The following CTNNA3 variants were observed in gnomAD, a reference collection of about 807,000 sequenced individuals.
The protein encoded by CTNNA3 is catenin alpha-3.
Under a neutral mutation model 95.7 loss-of-function variants are expected in CTNNA3, and 76 were observed. The ratio of observed to expected loss-of-function variants is 0.79; its 90% CI spans 0.66 to 0.96. The LOEUF is 0.96. CTNNA3 is among the 40% of genes least tolerant of loss of function. The pLI, the probability that CTNNA3 is intolerant of heterozygous loss-of-function variation, is 0.00. For missense variants in CTNNA3, 1,191 were observed against 1,089.8 expected, an observed-to-expected ratio of 1.09 and a Z score of -1.31; for synonymous variants, 431 against 374.4, an observed-to-expected ratio of 1.15 and a Z score of -1.74.
intron 1 of CTNNA3, among the ~76,000 whole-genome samples, chr10:67,727,077 CATATATGA>C (rs1564841576): frequency 1.7e-3 from 187 of 108,762 alleles, no homozygotes; most frequent in African/African-American, 7.0e-3. Context: ...ATATATGATA[CATATATGA>C]TATAATTATA....
chr10:66,485,365 T>A (rs375476400), intron 11 of CTNNA3, among the ~76,000 whole-genome samples: 7 of 152,222 alleles, frequency 4.6e-5, no homozygotes, highest in African/African-American at 1.7e-4. Context: ...GAAAACAACC[T>A]GTTAGAAATA....
In CTNNA3 at chr10:66,003,329, G is replaced by GGTGTGTGT. The variant is rs376512211; in HGVS notation, c.2160-14540_2160-14533dup. Among the ~76,000 whole-genome samples the GGTGTGTGT allele has an allele frequency of 6.7e-3, 1,012 of 149,932 alleles. 5 individuals carry two copies. Among genetic ancestry groups the GGTGTGTGT allele is most frequent in the East Asian group, 0.032 (161 of 5,090 alleles). ...TGGTGGCGGTGGTGGTGGTGGTGGT[G>GGTGTGTGT]GTGTGTGTGTGTGTGTGTGGAGAGA... On this transcript the variant is annotated intron_variant, in intron 15 of 17. Transcript: ENST00000433211.
At chr10:66,902,680 T>C (rs911768880) in intron 7 of CTNNA3, among the ~76,000 whole-genome samples, 2 of 151,976 alleles carry the variant, frequency 1.3e-5, no homozygotes, top group East Asian at 3.9e-4. Flanking sequence ...ATAGATGCAA[T>C]ACAAAACGAT....
chr10:65,990,516 C>T (rs1203016908), intron 15 of CTNNA3, among the ~76,000 whole-genome samples: 1 of 150,948 alleles, frequency 6.6e-6, no homozygotes, highest in Non-Finnish European at 1.5e-5. Context: ...ACCTATTGGT[C>T]ATTTGTCTTC....
At chr10:66,860,257 A>T (rs563703651) in intron 7 of CTNNA3, among the ~76,000 whole-genome samples, 1 of 152,270 alleles carries the variant, frequency 6.6e-6, no homozygotes, top group African/African-American at 2.4e-5. Flanking sequence ...CTTTAGAAAT[A>T]ATCTGGCAGA....
intron 9 of CTNNA3, among the ~76,000 whole-genome samples, chr10:66,738,460 T>C (rs1163436083): frequency 6.6e-6 from 1 of 152,220 alleles, no homozygotes; most frequent in Non-Finnish European, 1.5e-5. Context: ...TCATCTTTAA[T>C]CTCTTCTGTA....
intron 9 of CTNNA3, among the ~76,000 whole-genome samples, chr10:66,629,041 A>T (rs1845041058): frequency 6.6e-6 from 1 of 152,116 alleles, no homozygotes; most frequent in Non-Finnish European, 1.5e-5. Flanking sequence ...ACTTAGAAAA[A>T]GTGGCCAGAG....
intron 1 of CTNNA3, among the ~76,000 whole-genome samples, chr10:67,733,709 T>C (rs1841288543): frequency 6.6e-6 from 1 of 152,206 alleles, no homozygotes; most frequent in Admixed American, 6.5e-5. Context: ...CACTCCTTCC[T>C]ACCATATTTA....
intron 1 of CTNNA3, among the ~76,000 whole-genome samples, chr10:67,753,660 T>A (rs1334875220): frequency 6.6e-6 from 1 of 152,046 alleles, no homozygotes; most frequent in Non-Finnish European, 1.5e-5. Flanking sequence ...GCAAAGGACG[T>A]GAACAGACAC....
intron 4 of CTNNA3, among the ~76,000 whole-genome samples, chr10:67,525,631 A>T (rs187044893): frequency 5.5e-4 from 84 of 152,310 alleles, no homozygotes; most frequent in African/African-American, 2.0e-3. Context: ...AATTTGAGAA[A>T]GACACGAAGA....
intron 15 of CTNNA3, among the ~76,000 whole-genome samples, chr10:66,041,833 T>C (rs945913028): frequency 6.6e-6 from 1 of 152,226 alleles, no homozygotes; most frequent in Admixed American, 6.5e-5. Context: ...AACTCCATTC[T>C]TATATCCCTG....
At chr10:67,658,461 C>T (rs531130181) in intron 1 of CTNNA3, among the ~76,000 whole-genome samples, 5 of 152,250 alleles carry the variant, frequency 3.3e-5, no homozygotes, top group African/African-American at 9.6e-5. Flanking sequence ...TTCAAGAGTG[C>T]TTTCATTGAT....
At chr10:67,197,707 G>C (rs1363057093) in intron 6 of CTNNA3, among the ~76,000 whole-genome samples, 1 of 151,916 alleles carries the variant, frequency 6.6e-6, no homozygotes, top group Non-Finnish European at 1.5e-5. Context: ...AGATGTTCTT[G>C]GTATGAAAAG....
intron 1 of CTNNA3, among the ~76,000 whole-genome samples, chr10:67,730,068 T>G (rs1282245408): frequency 2.0e-5 from 3 of 152,122 alleles, no homozygotes; most frequent in African/African-American, 7.2e-5. Context: ...AAGTATTTCA[T>G]TTGGTGTTCC....
chr10:65,998,778 A>T (rs1246660807), intron 15 of CTNNA3, among the ~76,000 whole-genome samples: 1 of 152,192 alleles, frequency 6.6e-6, no homozygotes, highest in Non-Finnish European at 1.5e-5. Flanking sequence ...AAGATGTGTT[A>T]TTAGAAGAAA....
At chr10:66,421,493 A>G (rs1276440916) in intron 11 of CTNNA3, among the ~76,000 whole-genome samples, 1 of 152,094 alleles carries the variant, frequency 6.6e-6, no homozygotes, top group East Asian at 1.9e-4. Context: ...TATTCCATGC[A>G]TGTAACAAAA....
chr10:66,496,473 C>T (rs931466402), intron 11 of CTNNA3, among the ~76,000 whole-genome samples: 2 of 152,000 alleles, frequency 1.3e-5, no homozygotes, highest in Non-Finnish European at 1.5e-5. Flanking sequence ...ATGATCCATA[C>T]GAGAATTAAA....
intron 5 of CTNNA3, among the ~76,000 whole-genome samples, chr10:67,300,615 AG>A (rs1840226417): frequency 6.6e-6 from 1 of 152,192 alleles, no homozygotes; most frequent in Admixed American, 6.5e-5. Flanking sequence ...GTCATCATTG[AG>A]TTCAGGCTTC....
At chr10:66,117,897 G>A (rs1234019103) in intron 13 of CTNNA3, among the ~76,000 whole-genome samples, 4 of 152,174 alleles carry the variant, frequency 2.6e-5, no homozygotes, top group Non-Finnish European at 5.9e-5. Context: ...GATATACAGT[G>A]TGAAGTCTGG....
Sources: gnomAD v4.1 joint callset for allele counts (sites outside exome capture counted in the v4.1 genomes callset) on GRCh38, gnomAD v4.1.1 for gene constraint, MANE v1.5 for transcripts, NCBI Gene and HGNC (gene_info 2026-07-23, HGNC 2026-07-21) for gene names.